KLHL24: variants seen among roughly 807,000 people sequenced by gnomAD.
The protein encoded by KLHL24 is kelch-like protein 24.
A neutral mutation model predicts 53.4 loss-of-function variants in KLHL24; 29 were observed. The observed-to-expected ratio is 0.54, with a 90% CI of 0.40 to 0.74. The LOEUF is 0.74. Among genes scored for constraint, KLHL24 ranks in the 30% least tolerant of loss-of-function variants. KLHL24 has a pLI of 0.00. For synonymous variants in KLHL24, 222 were observed against 253.7 expected (o/e 0.88, Z 1.19); for missense variants, 504 against 744.0 (o/e 0.68, Z 3.75).
At chr3:183,660,786 C>T (rs80097835) in intron 3 of KLHL24, among the ~76,000 whole-genome samples, 3,156 of 151,970 alleles carry the variant, frequency 0.021, 100 homozygotes, top group East Asian at 0.16. Context: ...GGCCGGGAGC[C>T]GCAGCTCACG....
At chr3:183,655,142 G>A (rs1009979368) in intron 3 of KLHL24, among the ~76,000 whole-genome samples, 2 of 152,108 alleles carry the variant, frequency 1.3e-5, no homozygotes, top group Non-Finnish European at 2.9e-5. Context: ...ATATACCCAC[G>A]TGTCTCTTAA....
rs1720090987 is a variant in KLHL24, at chr3:183,663,512, A to C, written c.975A>C (p.Gly325=). The C allele has an allele frequency of 6.3e-7, 1 of 1,587,848 alleles. No individual in the cohort carries two copies. Among genetic ancestry groups the C allele is most frequent in the Non-Finnish European group, 8.6e-7 (1 of 1,165,288 alleles). The change falls in exon 4 of 8, where the codon GGA becomes GGC. Residue 325 remains glycine, a synonymous_variant. Coordinates refer to ENST00000242810, the MANE Select transcript of KLHL24 (RefSeq NM_017644.3). This position sits in a 1 kb window ranked among gnomAD's most constrained non-coding sequence, Gnocchi z 4.9. ...IVVVGGCERV[G]GFNLPYTECY... Reference sequence around the variant, plus strand: ...TCGTTGGAGGATGTGAGCGAGTTGGAGGATTTAATCTTCCATACACTGAGT... The same window carrying C: ...TCGTTGGAGGATGTGAGCGAGTTGGCGGATTTAATCTTCCATACACTGAGT...
In KLHL24 at chr3:183,681,680, C is replaced by G. The variant is rs1330949353; in HGVS notation, c.*2394C>G. On this transcript the variant is annotated 3_prime_UTR_variant, in exon 8 of 8. Coordinates refer to ENST00000242810, the MANE Select transcript of KLHL24 (RefSeq NM_017644.3). ...AATAACTATTTTTAAAGTTACCCAACTTAATATTTTAATTTTTTAATATTT... is the reference window on the plus strand; with the variant it reads ...AATAACTATTTTTAAAGTTACCCAAGTTAATATTTTAATTTTTTAATATTT... 6.6e-6 allele frequency: 1 copy of G among 151,814 alleles called. No homozygotes were observed. The highest frequency in any genetic ancestry group is 1.5e-5 in the Non-Finnish European group (1 of 67,806). The allele number at this position is 151,814 out of a possible 1,614,324, so 9.4% of individuals were successfully genotyped here.
At chr3:183,652,368 A>G (rs1718244669) in intron 3 of KLHL24, among the ~76,000 whole-genome samples, 2 of 152,336 alleles carry the variant, frequency 1.3e-5, no homozygotes, top group Middle Eastern at 6.8e-3. Context: ...GTTATGAGAA[A>G]TATTACAGTA....
At position 183,663,831 on chromosome 3, in the gene KLHL24, G is replaced by A. The variant is rs1237619784; in HGVS notation, c.1105+189G>A. 6.6e-6 allele frequency among the ~76,000 whole-genome samples: 1 copy of A among 152,016 alleles called. No homozygotes were observed. The highest frequency in any genetic ancestry group is 1.5e-5 in the Non-Finnish European group (1 of 68,000). On this transcript the variant is annotated intron_variant, in intron 4 of 7. Transcript: ENST00000242810. The surrounding 1 kb of genome is among the most constrained non-coding windows in gnomAD (Gnocchi z 4.9). ...TACAAGGCCAGGCGCGGTGGCTCAC[G>A]CCTGTAATCCCAGCACTTTGGGAGG...
chr3:183,645,475 C>T (rs6797002), intron 2 of KLHL24, among the ~76,000 whole-genome samples: 50,750 of 151,888 alleles, frequency 0.33, 9,286 homozygotes, highest in African/African-American at 0.49. Flanking sequence ...CACATGCATC[C>T]AGACATCCAC....
At chr3:183,645,319 A>G (rs1717063646) in intron 2 of KLHL24, among the ~76,000 whole-genome samples, 1 of 152,220 alleles carries the variant, frequency 6.6e-6, no homozygotes, top group African/African-American at 2.4e-5. Context: ...TGGGGGATAC[A>G]TTTCTGTTTA....
rs990955308 is a variant in KLHL24 at position 183,680,791 on chromosome 3, G to A, written c.*1505G>A. 6.6e-6 allele frequency: 1 copy of A among 152,086 alleles called. No individual in the cohort carries two copies. The highest frequency in any genetic ancestry group is 2.1e-4 in the South Asian group (1 of 4,818). 9.4% of individuals were successfully genotyped at this position (152,086 alleles called of 1,614,324 possible). A position where few individuals can be genotyped will look rare whatever the true frequency, so the allele number is the denominator to read the frequency against. ...ACAACATTTAGGGATGTTCTAGGTA[G>A]CCTGCTGTAGTTTGACTTCCAGTCA... On this transcript the variant is annotated 3_prime_UTR_variant, in exon 8 of 8. Coordinates refer to ENST00000242810, the MANE Select transcript of KLHL24 (RefSeq NM_017644.3).
rs962363913 is a variant in KLHL24, at chr3:183,671,243, G to C, written c.1413+21G>C. The C allele has an allele frequency of 2.5e-6, 4 of 1,588,266 alleles. No individual in the cohort carries two copies. The African/African-American group carries it at 5.4e-5, about 21-fold the overall frequency. On this transcript the variant is annotated intron_variant, in intron 6 of 7. Transcript: ENST00000242810. Reference sequence around the variant, plus strand: ...ATAAGGTAAGCCATGCACTTTTAAAGAAATTACCAATATTAAGTACAAGAA... The same window carrying C: ...ATAAGGTAAGCCATGCACTTTTAAACAAATTACCAATATTAAGTACAAGAA...
chr3:183,662,492 T>A (rs1719950687), intron 3 of KLHL24, among the ~76,000 whole-genome samples: 1 of 152,194 alleles, frequency 6.6e-6, no homozygotes, highest in Admixed American at 6.5e-5. Context: ...TAAAACATTT[T>A]CATTTAGATT....
chr3:183,666,321 G>A (rs1412069933), intron 5 of KLHL24, among the ~76,000 whole-genome samples: 2 of 151,948 alleles, frequency 1.3e-5, no homozygotes, highest in Non-Finnish European at 2.9e-5. Context: ...GAGTACAGTG[G>A]TGCCATCACT....
In KLHL24 at chr3:183,650,923, T is replaced by C. The variant is rs1327491945; in HGVS notation, c.567T>C (p.Asn189=). 1.1e-5 allele frequency: 17 copies of C among 1,614,174 alleles called. No individual in the cohort carries two copies. Among genetic ancestry groups the C allele is most frequent in the Non-Finnish European group, 1.4e-5 (16 of 1,180,038 alleles). ...SLKTLFTKCK[N]FALQTFEDVS... is the part of the protein sequence containing the mutation. Reference sequence around the variant, plus strand: ...AAACACTCTTCACAAAATGCAAAAATTTTGCGTTACAGACTTTTGAGGATG... The same window carrying C: ...AAACACTCTTCACAAAATGCAAAAACTTTGCGTTACAGACTTTTGAGGATG... The change falls in exon 3 of 8, where the codon AAT becomes AAC. Residue 189 remains asparagine (N), a synonymous_variant. Coordinates refer to ENST00000242810, the MANE Select transcript of KLHL24 (RefSeq NM_017644.3). This position sits in a 1 kb window ranked among gnomAD's most constrained non-coding sequence, Gnocchi z 4.5.
At chr3:183,671,326 T>C in intron 6 of KLHL24, 104 bp downstream of exon 6, 1 of 974,710 alleles carries the variant, frequency 1.0e-6, no homozygotes, top group Non-Finnish European at 1.5e-6. Context: ...GAGGGGTCTT[T>C]TAAAAATTTT....
intron 5 of KLHL24, among the ~76,000 whole-genome samples, chr3:183,669,115 C>A (rs920419990): frequency 6.6e-6 from 1 of 152,106 alleles, no homozygotes; most frequent in Non-Finnish European, 1.5e-5. Flanking sequence ...TTAATTTACA[C>A]ATGTAGGAAT....
In KLHL24 at chr3:183,679,560, A is replaced by T. The variant is rs906132098; in HGVS notation, c.*274A>T. On this transcript the variant is annotated 3_prime_UTR_variant, in exon 8 of 8. Transcript: ENST00000242810. ...TAAGTATTTGTAAGAAGTCTATGTG[A>T]ATTAGGAAATGTCTGTCTGCATACC... is the stretch of plus-strand genomic sequence containing the variant. 1.4e-5 allele frequency: 5 copies of T among 362,382 alleles called. No individual in the cohort carries two copies. Among genetic ancestry groups the T allele is most frequent in the Non-Finnish European group, 2.5e-5 (5 of 198,796 alleles). The allele number at this position is 362,382 out of a possible 1,614,324, so 22.4% of individuals were successfully genotyped here.
At position 183,650,338 on chromosome 3, in the gene KLHL24, A is replaced by G; in HGVS notation, c.-19A>G. 1.3e-6 allele frequency: 2 copies of G among 1,587,244 alleles called. No individual in the cohort carries two copies. Among genetic ancestry groups the G allele is most frequent in the Non-Finnish European group, 1.7e-6 (2 of 1,161,496 alleles). ...CTAATAGTCATTTCTCAACAATTAT[A>G]TAGTCAACTGATGTAACAATGGTAC... On this transcript the variant is annotated 5_prime_UTR_variant, in exon 3 of 8. It adds an upstream start codon to the 5' untranslated region. Transcript: ENST00000242810. The surrounding 1 kb of genome is among the most constrained non-coding windows in gnomAD (Gnocchi z 4.5).
At chr3:183,668,141 T>G (rs1473330959) in intron 5 of KLHL24, among the ~76,000 whole-genome samples, 3 of 151,596 alleles carry the variant, frequency 2.0e-5, no homozygotes, top group African/African-American at 4.9e-5. Context: ...AATAGAATCT[T>G]TTCTAAAACC....
chr3:183,671,764 C>T (rs936460518), intron 6 of KLHL24, among the ~76,000 whole-genome samples: 1 of 152,204 alleles, frequency 6.6e-6, no homozygotes, highest in Non-Finnish European at 1.5e-5. Flanking sequence ...AAAAAAGCAT[C>T]TAATGCCTAG....
Position 183,637,161 on chromosome 3 carries a change from C to G in KLHL24, c.-125+1368C>G, listed in dbSNP as rs375579256. On this transcript the variant is annotated intron_variant, in intron 1 of 7. Coordinates refer to ENST00000242810, the MANE Select transcript of KLHL24 (RefSeq NM_017644.3). The stretch of plus-strand genomic sequence containing the variant: ...TTTAGTGGATTTTAATGATTAATCA[C>G]TTGCTCTTGTGGGCAGCTTTTCAAA... 1.4e-4 allele frequency among the ~76,000 whole-genome samples: 21 copies of G among 152,312 alleles called. 1 individual carries two copies. Among genetic ancestry groups the G allele is most frequent in the Admixed American group, 5.2e-4 (8 of 15,306 alleles).
Sources: allele counts gnomAD v4.1 joint callset (sites outside exome capture counted in the v4.1 genomes callset), GRCh38; gene constraint gnomAD v4.1.1; non-coding constraint Gnocchi (gnomAD v3.1); transcripts MANE v1.5; gene names NCBI Gene and HGNC (gene_info 2026-07-23, HGNC 2026-07-21).